CLPB: variants seen among roughly 807,000 people sequenced by gnomAD.
CLPB encodes ClpB family mitochondrial disaggregase.
A neutral mutation model predicts 78.4 loss-of-function variants in CLPB; 40 were observed. The observed-to-expected ratio is 0.51, with a 90% CI of 0.40 to 0.66. The LOEUF (loss-of-function observed/expected upper bound fraction) is 0.66, where lower values mean the gene tolerates loss of function less well. CLPB is among the 30% of genes least tolerant of loss of function. CLPB has a pLI of 0.00. For missense variants in CLPB, 780 were observed against 886.9 expected (o/e 0.88, Z 1.53); for synonymous variants, 333 against 348.0 (o/e 0.96, Z 0.48).
intron 2 of CLPB, among the ~76,000 whole-genome samples, chr11:72,412,585 T>G (rs545061817): frequency 1.7e-4 from 26 of 152,328 alleles, no homozygotes; most frequent in African/African-American, 6.3e-4. Context: ...TGAGCCTGCC[T>G]CTGTCTGTCT....
At chr11:72,317,320 A>G in intron 6 of CLPB, 100 bp from the exon 7 acceptor site, 1 of 832,638 alleles carries the variant, frequency 1.2e-6, no homozygotes, top group East Asian at 2.9e-5. Context: ...CTGGGTATCC[A>G]GGGGTCCTGC....
chr11:72,308,687 G>A (rs1949789331), intron 7 of CLPB, 83 bp from the exon 8 acceptor site: 1 of 1,215,824 alleles, frequency 8.2e-7, no homozygotes, highest in Non-Finnish European at 1.2e-6. Context: ...TTATCACTAA[G>A]TATACAATAT....
At chr11:72,358,699 T>G (rs1280874306) in intron 5 of CLPB, among the ~76,000 whole-genome samples, 181 bp downstream of exon 5, 3 of 152,164 alleles carry the variant, frequency 2.0e-5, no homozygotes, top group Middle Eastern at 3.2e-3. Context: ...AAAGCTGCTC[T>G]CGAGGCATCT....
At chr11:72,402,941 C>T in intron 3 of CLPB, 25 bp downstream of exon 3, 2 of 1,601,414 alleles carry the variant, frequency 1.2e-6, no homozygotes, top group Non-Finnish European at 8.6e-7. Context: ...CCTAAAGGAG[C>T]CCTGTGTGGA....
chr11:72,300,032 C>T (rs747700400), intron 11 of CLPB, among the ~76,000 whole-genome samples: 4 of 152,158 alleles, frequency 2.6e-5, no homozygotes, highest in Non-Finnish European at 5.9e-5. Flanking sequence ...CCTCCCTCAG[C>T]GGCATGGTCC....
rs77785306 is a variant in CLPB, at chr11:72,298,485, A to G, written c.1330-2837T>C. ...CGCCTCATGAATAAATGAATGAGCCACATTCTTTTGGTTGGCTCTTTTTTG... is the reference window on the plus strand; with the variant it reads ...CGCCTCATGAATAAATGAATGAGCCGCATTCTTTTGGTTGGCTCTTTTTTG... On this transcript the variant is annotated intron_variant, in intron 11 of 15. Coordinates refer to ENST00000538039, the MANE Select transcript of CLPB (RefSeq NM_001258392.3). Among the ~76,000 whole-genome samples the G allele has an allele frequency of 2.1e-3, 319 of 152,288 alleles. 3 individuals carry two copies. The highest frequency in any genetic ancestry group is 7.4e-3 in the African/African-American group (306 of 41,564).
intron 5 of CLPB, among the ~76,000 whole-genome samples, chr11:72,333,868 G>A (rs1158633651): frequency 6.6e-6 from 1 of 152,144 alleles, no homozygotes; most frequent in African/African-American, 2.4e-5. Flanking sequence ...AAACCACAAC[G>A]GAGGCAGAAA....
chr11:72,347,539 A>G (rs1950538760), intron 5 of CLPB, among the ~76,000 whole-genome samples: 1 of 152,232 alleles, frequency 6.6e-6, no homozygotes, highest in African/African-American at 2.4e-5. Context: ...AAACTGGACA[A>G]TTCTTTGATT....
intron 2 of CLPB, among the ~76,000 whole-genome samples, chr11:72,405,092 T>C (rs1855669511): frequency 6.6e-6 from 1 of 152,174 alleles, no homozygotes; most frequent in African/African-American, 2.4e-5. Context: ...AAAATCAGGA[T>C]AGGCTGAAGA....
chr11:72,382,496 G>A (rs551825681), intron 3 of CLPB, among the ~76,000 whole-genome samples: 6 of 152,224 alleles, frequency 3.9e-5, no homozygotes, highest in Admixed American at 2.0e-4. Flanking sequence ...GCTGGCTCCC[G>A]CAGATATAGG....
At chr11:72,307,062 A>G in intron 9 of CLPB, 137 bp downstream of exon 9, 1 of 705,466 alleles carries the variant, frequency 1.4e-6, no homozygotes, top group South Asian at 2.0e-5. Context: ...TTGGGGCCAG[A>G]GCTGAGGTCT....
intron 3 of CLPB, among the ~76,000 whole-genome samples, chr11:72,392,676 A>G (rs542684440): frequency 6.6e-6 from 1 of 152,340 alleles, no homozygotes; most frequent in South Asian, 2.1e-4. Context: ...TATATTCACT[A>G]TTTCAGATCC....
intron 5 of CLPB, chr11:72,332,748 T>C (rs890989173): frequency 2.6e-5 from 4 of 152,218 alleles, no homozygotes; most frequent in African/African-American, 9.6e-5. Context: ...TGTGTCTGAC[T>C]TTTTCAGGCT....
chr11:72,354,887 A>G (rs1253868838), intron 5 of CLPB, among the ~76,000 whole-genome samples: 1 of 152,096 alleles, frequency 6.6e-6, no homozygotes, highest in Non-Finnish European at 1.5e-5. Context: ...AGAAGACATC[A>G]TTTCCCCCTG....
chr11:72,338,627 C>A (rs1435613443), intron 5 of CLPB, among the ~76,000 whole-genome samples: 1 of 152,252 alleles, frequency 6.6e-6, no homozygotes, highest in East Asian at 1.9e-4. Flanking sequence ...CCCTGAAGCT[C>A]TTCCAGGCCA....
At chr11:72,410,230 C>CA (rs974819012) in intron 2 of CLPB, among the ~76,000 whole-genome samples, 5 of 151,602 alleles carry the variant, frequency 3.3e-5, no homozygotes, top group South Asian at 2.1e-4. Flanking sequence ...AACTCCATCT[C>CA]AAAAAAAACA....
intron 4 of CLPB, among the ~76,000 whole-genome samples, chr11:72,367,220 G>A: frequency 6.6e-6 from 1 of 152,174 alleles, no homozygotes; most frequent in Non-Finnish European, 1.5e-5. Context: ...CTGGAGTGCA[G>A]TGACACAATC....
chr11:72,427,953 A>T (rs921551308), intron 2 of CLPB, among the ~76,000 whole-genome samples: 19 of 152,238 alleles, frequency 1.2e-4, no homozygotes, highest in African/African-American at 3.6e-4. Context: ...AGTCTAGGGT[A>T]CAGAAAGGCT....
At chr11:72,418,871 A>G (rs930434041) in intron 2 of CLPB, among the ~76,000 whole-genome samples, 2 of 151,488 alleles carry the variant, frequency 1.3e-5, no homozygotes, top group Non-Finnish European at 2.9e-5. Flanking sequence ...AAAAAAAAAA[A>G]AGAAAAGAAA....
Sources: gnomAD v4.1 joint callset for allele counts (sites outside exome capture counted in the v4.1 genomes callset) on GRCh38, gnomAD v4.1.1 for gene constraint, MANE v1.5 for transcripts, NCBI Gene and HGNC (gene_info 2026-07-23, HGNC 2026-07-21) for gene names.